Variants in RBFOX2 observed in about 807,000 individuals in gnomAD.
RBFOX2 encodes RNA binding fox-1 homolog 2.
A neutral mutation model predicts 49.1 loss-of-function variants in RBFOX2; 10 were observed. That is an observed-to-expected ratio of 0.20 (90% CI 0.13 to 0.35). RBFOX2 has a LOEUF of 0.35. Among genes scored for constraint, RBFOX2 ranks in the 10% least tolerant of loss-of-function variants. The pLI is 1.00. For missense variants in RBFOX2, 323 were observed against 486.9 expected (o/e 0.66, Z 3.17); for synonymous variants, 183 against 187.4 (o/e 0.98, Z 0.19).
chr22:35,775,480 G>C (rs895063507), intron 4 of RBFOX2, among the ~76,000 whole-genome samples: 1 of 152,198 alleles, frequency 6.6e-6, no homozygotes, highest in Admixed American at 6.5e-5. Flanking sequence ...ATTTCTCAAA[G>C]AGAAAGCTCA....
chr22:35,945,166 T>C (rs548564352), intron 1 of RBFOX2, among the ~76,000 whole-genome samples: 1 of 152,298 alleles, frequency 6.6e-6, no homozygotes, highest in Non-Finnish European at 1.5e-5. Context: ...AGATTTTTCA[T>C]TGACTTACTC....
At chr22:35,813,049 T>TG in intron 1 of RBFOX2, among the ~76,000 whole-genome samples, 1 of 152,356 alleles carries the variant, frequency 6.6e-6, no homozygotes, top group African/African-American at 2.4e-5. Flanking sequence ...AGGGGTTATG[T>TG]ACCTCCCTTA....
chr22:35,943,484 A>T (rs1028261013), upstream of RBFOX2, among the ~76,000 whole-genome samples: 2 of 152,202 alleles, frequency 1.3e-5, no homozygotes, highest in Non-Finnish European at 2.9e-5. Context: ...CATAAGAAAT[A>T]AAATACCAAC....
At chr22:35,885,616 T>C (rs1004222036) in intron 1 of RBFOX2, among the ~76,000 whole-genome samples, 1 of 152,038 alleles carries the variant, frequency 6.6e-6, no homozygotes, top group Non-Finnish European at 1.5e-5. Context: ...TTAAAGTTCA[T>C]CTCACACACT....
intron 1 of RBFOX2, among the ~76,000 whole-genome samples, chr22:35,816,777 T>C (rs1953162529): frequency 6.6e-6 from 1 of 152,164 alleles, no homozygotes; most frequent in South Asian, 2.1e-4. Flanking sequence ...AAAAAATGTC[T>C]AATTTCGGGT....
At chr22:35,806,350 T>A (rs528300801) in intron 2 of RBFOX2, among the ~76,000 whole-genome samples, 1 of 151,950 alleles carries the variant, frequency 6.6e-6, no homozygotes, top group Non-Finnish European at 1.5e-5. Context: ...ATTATAATAG[T>A]GTATTGTTAT....
intron 6 of RBFOX2, among the ~76,000 whole-genome samples, chr22:35,764,367 G>A (rs1410702489): frequency 6.6e-6 from 1 of 151,926 alleles, no homozygotes; most frequent in African/African-American, 2.4e-5. Context: ...GGCGGATCAC[G>A]AGGTCAGGAG....
intron 1 of RBFOX2, among the ~76,000 whole-genome samples, chr22:35,931,074 T>C (rs2052337842): frequency 6.6e-6 from 1 of 152,082 alleles, no homozygotes; most frequent in Admixed American, 6.6e-5. Context: ...AGAAAAGTGC[T>C]ACAAGAACAC....
chr22:36,004,668 T>C (rs1289236687), intron 1 of RBFOX2, among the ~76,000 whole-genome samples: 1 of 152,102 alleles, frequency 6.6e-6, no homozygotes, highest in Admixed American at 6.6e-5. Flanking sequence ...TGGTGGCAAG[T>C]GCCTGTAATC....
intron 1 of RBFOX2, chr22:35,992,275 G>A (rs1450748614): frequency 6.6e-6 from 1 of 151,988 alleles, no homozygotes; most frequent in Non-Finnish European, 1.5e-5. Context: ...TGCTTAGAGA[G>A]ACAACAGATA....
intron 1 of RBFOX2, among the ~76,000 whole-genome samples, chr22:35,922,791 A>G (rs1012467905): frequency 6.6e-6 from 1 of 152,162 alleles, no homozygotes. Flanking sequence ...ATAGAGCCAC[A>G]ATCTTTTGTT....
intron 1 of RBFOX2, among the ~76,000 whole-genome samples, chr22:35,937,881 A>C (rs1411135956): frequency 3.3e-5 from 5 of 152,008 alleles, no homozygotes. Context: ...GAGCCACCGC[A>C]CCCAGCCGAC....
intron 1 of RBFOX2, among the ~76,000 whole-genome samples, chr22:35,927,250 G>T (rs760947283): frequency 1.1e-4 from 16 of 152,138 alleles, no homozygotes; most frequent in Non-Finnish European, 2.2e-4. Context: ...CAAACGAAAG[G>T]CATTAGGAAG....
exon 12 of RBFOX2, chr22:35,740,815 T>C (rs963844332): frequency 6.6e-6 from 1 of 152,258 alleles, no homozygotes; most frequent in African/African-American, 2.4e-5. Flanking sequence ...CTGGAAGCTA[T>C]ATAACTAGTT....
upstream of RBFOX2, among the ~76,000 whole-genome samples, chr22:35,962,946 G>C (rs919719924): frequency 6.6e-6 from 1 of 150,774 alleles, no homozygotes; most frequent in African/African-American, 2.4e-5. Context: ...AAGCAGGTCA[G>C]AGCCTTGTAG....
In RBFOX2 at chr22:35,850,193, T is replaced by TACACACACACACACAC. The variant is rs58692076; in HGVS notation, c.-33-40205_-33-40190dup. ...ATGCGCATTCTCTGTCTCTCTCTCATACACACACACACACACACACACACA... is the reference window on the plus strand; with the variant it reads ...ATGCGCATTCTCTGTCTCTCTCTCATACACACACACACACACACACACACACACACACACACACACA... On this transcript the variant is annotated intron_variant, in intron 1 of 13. Transcript: ENST00000359369. 1.9e-3 allele frequency among the ~76,000 whole-genome samples: 257 copies of TACACACACACACACAC among 132,578 alleles called. 2 individuals are homozygous for TACACACACACACACAC. Among genetic ancestry groups the TACACACACACACACAC allele is most frequent in the East Asian group, 7.7e-3 (34 of 4,420 alleles). The allele number at this position is 132,578 out of a possible 152,430, so 87.0% of individuals were successfully genotyped here. A position where few individuals can be genotyped will look rare whatever the true frequency, so the allele number is the denominator to read the frequency against.
chr22:36,021,594 TC>T (rs2059249942), intron 1 of RBFOX2, among the ~76,000 whole-genome samples: 3 of 151,968 alleles, frequency 2.0e-5, no homozygotes, highest in Admixed American at 2.0e-4. Context: ...CTGGCTATCC[TC>T]CAGAGAAATA....
At chr22:35,796,309 A>C (rs1948769720) in intron 2 of RBFOX2, among the ~76,000 whole-genome samples, 1 of 152,234 alleles carries the variant, frequency 6.6e-6, no homozygotes, top group Non-Finnish European at 1.5e-5. Flanking sequence ...TTAAAAATTA[A>C]TTTTAAATAA....
intron 1 of RBFOX2, among the ~76,000 whole-genome samples, chr22:35,976,833 G>T (rs1026354904): frequency 6.6e-6 from 1 of 151,966 alleles, no homozygotes; most frequent in Admixed American, 6.6e-5. Flanking sequence ...CCACAGTGGC[G>T]TGTGCCTGTA....
Sources: allele counts gnomAD v4.1 joint callset (sites outside exome capture counted in the v4.1 genomes callset), GRCh38; gene constraint gnomAD v4.1.1; transcripts MANE v1.5; gene names NCBI Gene and HGNC (gene_info 2026-07-23, HGNC 2026-07-21).